ABL2: variants seen among roughly 807,000 people sequenced by gnomAD.
ABL2 encodes ABL proto-oncogene 2, non-receptor tyrosine kinase, also known as tyrosine-protein kinase ABL2.
A neutral mutation model predicts 107.7 loss-of-function variants in ABL2; 49 were observed. That is an observed-to-expected ratio of 0.45 (90% confidence interval 0.36 to 0.58). ABL2 has a LOEUF of 0.58. ABL2 is among the 20% of genes least tolerant of loss of function. The probability of loss-of-function intolerance (pLI) is 0.00; values close to 1 mark genes in which losing one functional copy is unlikely to be tolerated. For missense variants in ABL2, 1,245 were observed against 1,457.0 expected (o/e 0.85, Z 2.37); for synonymous variants, 549 against 548.6 (o/e 1.00, Z -0.01).
chr1:179,136,701 A>T (rs1011895248), intron 1 of ABL2, among the ~76,000 whole-genome samples: 167 of 124,142 alleles, frequency 1.3e-3, no homozygotes, highest in Non-Finnish European at 2.5e-3. Context: ...CCCAAGAATG[A>T]TCAATAAAAA....
chr1:179,174,290 A>G (rs1258226569), intron 1 of ABL2, among the ~76,000 whole-genome samples: 2 of 151,004 alleles, frequency 1.3e-5, no homozygotes, highest in Admixed American at 6.6e-5. Context: ...TCTGTCTCCA[A>G]TAAAAAAAAA....
In ABL2 at chr1:179,108,258, T is replaced by A. The variant is rs753178995; in HGVS notation, c.3009A>T (p.Thr1003=). The A allele has an allele frequency of 1.3e-4, 205 of 1,613,848 alleles. No individual in the cohort carries two copies. Among genetic ancestry groups the A allele is most frequent in the Non-Finnish European group, 1.7e-4 (200 of 1,180,002 alleles). Residue 1003 remains threonine (T), a synonymous_variant, in exon 12 of 12, where the codon ACA becomes ACT. Coordinates refer to ENST00000502732, the MANE Select transcript of ABL2 (RefSeq NM_007314.4). ...LQHPSICSDP[T]EEPTALTAGQ... ...CTGCAGTTAGGGCAGTTGGCTCTTC[T>A]GTAGGGTCTGAGCAGATGGACGGAT...
At chr1:179,182,519 A>G (rs1268444502) in intron 1 of ABL2, among the ~76,000 whole-genome samples, 1 of 152,174 alleles carries the variant, frequency 6.6e-6, no homozygotes, top group Non-Finnish European at 1.5e-5. Flanking sequence ...ATCTTCCAGC[A>G]TATTTGACTT....
chr1:179,150,138 G>A (rs1267568717), intron 1 of ABL2, among the ~76,000 whole-genome samples: 3 of 152,080 alleles, frequency 2.0e-5, no homozygotes, highest in Non-Finnish European at 4.4e-5. Context: ...TATTAGGGAG[G>A]CTGAGGTGGA....
intron 10 of ABL2, among the ~76,000 whole-genome samples, chr1:179,111,220 G>T (rs112693112): frequency 0.085 from 12,564 of 148,404 alleles, 557 homozygotes; most frequent in Middle Eastern, 0.11. Flanking sequence ...CGGAACTTGT[G>T]ATCCACCCGC....
At chr1:179,115,065 C>T (rs997939431) in intron 8 of ABL2, 35 bp from the exon 9 acceptor site, 2 of 1,545,048 alleles carry the variant, frequency 1.3e-6, no homozygotes, top group South Asian at 2.6e-5. Context: ...CTTAGTGTTT[C>T]TTCTCCGATT....
chr1:179,222,596 G>A (rs1412158260), intron 1 of ABL2, among the ~76,000 whole-genome samples: 1 of 151,894 alleles, frequency 6.6e-6, no homozygotes, highest in Non-Finnish European at 1.5e-5. Flanking sequence ...TCACCATGTT[G>A]GCCAGGATGG....
intron 1 of ABL2, among the ~76,000 whole-genome samples, chr1:179,215,172 A>C (rs569118487): frequency 3.9e-5 from 6 of 151,972 alleles, no homozygotes; most frequent in Admixed American, 3.9e-4. Context: ...AAAAAAAAAA[A>C]ATTGGGGAGA....
chr1:179,131,488 G>A lies in ABL2; in HGVS notation c.221-7C>T, dbSNP rs1377205081. The stretch of plus-strand genomic sequence containing the variant: ...TAGGGACGATGCAAAGCTTCTGAAA[G>A]ACATAAGAAGGGAAGGGAATTCACG... On this transcript the variant is annotated splice_polypyrimidine_tract_variant and splice_region_variant and intron_variant, in intron 2 of 11. Transcript: ENST00000502732. The A allele has an allele frequency of 6.2e-7, 1 of 1,612,250 alleles. No homozygotes were observed. The highest frequency in any genetic ancestry group is 1.3e-5 in the African/African-American group (1 of 74,872).
chr1:179,229,545 CGG>C lies in ABL2; in HGVS notation c.-150_-149del. Reference sequence around the variant, plus strand: ...GCTGGGCCACCGGCGGCTCCGCACCCGGCCTCCTCACGGCAGCCGCCGCGCTG... The same window carrying C: ...GCTGGGCCACCGGCGGCTCCGCACCCCCTCCTCACGGCAGCCGCCGCGCTG... On this transcript the variant is annotated 5_prime_UTR_variant, in exon 1 of 12. Transcript: ENST00000502732. 1.3e-6 allele frequency: 1 copy of C among 778,298 alleles called. No homozygotes were observed. Among genetic ancestry groups the C allele is most frequent in the Non-Finnish European group, 1.8e-6 (1 of 542,934 alleles). The allele number at this position is 778,298 out of a possible 1,614,324, so 48.2% of individuals were successfully genotyped here.
At position 179,120,053 on chromosome 1, in the gene ABL2, G is replaced by A. The variant is rs1447742250; in HGVS notation, c.1045+137C>T. The A allele has an allele frequency of 1.7e-5, 9 of 522,328 alleles. No individual in the cohort carries two copies. The South Asian group carries it at 2.1e-4, about 12-fold the overall frequency. 32.4% of individuals were successfully genotyped at this position (522,328 alleles called of 1,614,324 possible). On this transcript the variant is annotated intron_variant, in intron 6 of 11. Transcript: ENST00000502732. ...TGAAAGGCCCAGGCGGAAGTATCACGTCAACAGCAGCCTGGACAACAGAGC... is the reference window on the plus strand; with the variant it reads ...TGAAAGGCCCAGGCGGAAGTATCACATCAACAGCAGCCTGGACAACAGAGC...
chr1:179,217,180 G>C (rs746760270), intron 1 of ABL2, among the ~76,000 whole-genome samples: 24 of 151,792 alleles, frequency 1.6e-4, no homozygotes, highest in Non-Finnish European at 3.2e-4. Context: ...TGTAATCCCA[G>C]CTACACAGGA....
At chr1:179,110,639 C>T (rs750810156) in intron 10 of ABL2, 184 bp from the exon 11 acceptor site, 4 of 1,512,174 alleles carry the variant, frequency 2.6e-6, no homozygotes, top group East Asian at 2.3e-5. Context: ...TGTGTAGATT[C>T]GTCCACGCTG....
chr1:179,210,634 C>T (rs1571325166), intron 1 of ABL2, among the ~76,000 whole-genome samples: 1 of 151,520 alleles, frequency 6.6e-6, no homozygotes, highest in Non-Finnish European at 1.5e-5. Flanking sequence ...GGGCGCATCA[C>T]GAGGTCAGAG....
At position 179,103,500 on chromosome 1, in the gene ABL2, C is replaced by G. The variant is rs1230854260; in HGVS notation, c.*4218G>C. The G allele has an allele frequency of 4.8e-6, 1 of 207,964 alleles. No individual in the cohort carries two copies. The highest frequency in any genetic ancestry group is 9.6e-6 in the Non-Finnish European group (1 of 103,734). 12.9% of individuals were successfully genotyped at this position (207,964 alleles called of 1,614,324 possible). A position where few individuals can be genotyped will look rare whatever the true frequency, so the allele number is the denominator to read the frequency against. On this transcript the variant is annotated 3_prime_UTR_variant, in exon 12 of 12. Transcript: ENST00000502732. ...TTTTTAAAGAAAAGGGAATGTAGGA[C>G]TAACTAGGTTTTTTAAAAACTCAAG...
chr1:179,152,766 G>C (rs1413912231), intron 1 of ABL2, among the ~76,000 whole-genome samples: 2 of 152,192 alleles, frequency 1.3e-5, no homozygotes, highest in African/African-American at 4.8e-5. Context: ...TGAAGTTGCA[G>C]AGAATAACTA....
At chr1:179,180,414 G>A (rs1404049030) in intron 1 of ABL2, among the ~76,000 whole-genome samples, 1 of 152,180 alleles carries the variant, frequency 6.6e-6, no homozygotes, top group African/African-American at 2.4e-5. Flanking sequence ...GAGCTGCCAC[G>A]AAGGTTCTAG....
rs1177903811 is a variant in ABL2, at chr1:179,229,484, G to T, written c.-87C>A. The T allele has an allele frequency of 7.4e-7, 1 of 1,350,120 alleles. No homozygotes were observed. The highest frequency in any genetic ancestry group is 9.6e-7 in the Non-Finnish European group (1 of 1,042,946). 83.6% of individuals were successfully genotyped at this position (1,350,120 alleles called of 1,614,324 possible). A position where few individuals can be genotyped will look rare whatever the true frequency, so the allele number is the denominator to read the frequency against. ...GCCTCGGGCTCCTGGCGCTGCTCCG[G>T]TCTCTCCCTCCCAGCCCAGGCCCTG... On this transcript the variant is annotated 5_prime_UTR_variant, in exon 1 of 12. Coordinates refer to ENST00000502732, the MANE Select transcript of ABL2 (RefSeq NM_007314.4).
intron 1 of ABL2, among the ~76,000 whole-genome samples, chr1:179,167,597 TA>T (rs1431004192): frequency 1.3e-5 from 2 of 152,186 alleles, no homozygotes; most frequent in African/African-American, 4.8e-5. Context: ...ATAGAAATGA[TA>T]AATACCCAAG....
Sources: gnomAD v4.1 joint callset for allele counts (sites outside exome capture counted in the v4.1 genomes callset) on GRCh38, gnomAD v4.1.1 for gene constraint, MANE v1.5 for transcripts, NCBI Gene and HGNC (gene_info 2026-07-23, HGNC 2026-07-21) for gene names.